MOGAT2: variants seen among roughly 807,000 people sequenced by gnomAD.
MOGAT2 encodes 2-acylglycerol O-acyltransferase 2.
MOGAT2 carries 27 observed loss-of-function variants against 31.5 expected under a neutral mutation model. The ratio of observed to expected loss-of-function variants is 0.86; its 90% CI spans 0.63 to 1.18. The LOEUF is 1.18. MOGAT2 is among the 50% of genes most tolerant of loss of function. The probability of loss-of-function intolerance (pLI) is 0.00; values close to 1 mark genes in which losing one functional copy is unlikely to be tolerated. For synonymous variants in MOGAT2, 163 were observed against 170.0 expected, an observed-to-expected ratio of 0.96 and a Z score of 0.32; for missense variants, 436 against 433.2, an observed-to-expected ratio of 1.01 and a Z score of -0.06.
At chr11:75,722,379 C>T (rs1944383485) in intron 2 of MOGAT2, among the ~76,000 whole-genome samples, 1 of 152,196 alleles carries the variant, frequency 6.6e-6, no homozygotes, top group South Asian at 2.1e-4. Context: ...TGTGTGACAT[C>T]AGGGACCAAG....
rs139594944 is a variant in MOGAT2, at chr11:75,731,256, C to G, written c.975C>G (p.Ile325Met). The change falls in exon 6 of 6, where the codon ATC becomes ATG. Residue 325 changes from isoleucine (I) to methionine (M), a missense_variant. Transcript: ENST00000198801. ...AGGCCCACAAACTTAAGTTCAACAT[C>G]CCTGCTGACCAGCACTTGGAGTTCT... is the stretch of plus-strand genomic sequence containing the variant. ...LFEAHKLKFNIPADQHLEFC is the reference protein window; with the variant it reads ...LFEAHKLKFNMPADQHLEFC 2.5e-6 allele frequency: 4 copies of G among 1,614,162 alleles called. No homozygotes were observed. The Admixed American group carries it at 6.7e-5, about 27-fold the overall frequency.
intron 2 of MOGAT2, among the ~76,000 whole-genome samples, chr11:75,725,372 C>T (rs1403219407): frequency 1.3e-5 from 2 of 151,998 alleles, no homozygotes; most frequent in Admixed American, 1.3e-4. Flanking sequence ...TGGTGAAACA[C>T]CCTGTCTCTA....
chr11:75,730,921 AAAAAAAAAG>A, intron 5 of MOGAT2: 4 of 308,954 alleles, frequency 1.3e-5, no homozygotes, highest in Middle Eastern at 9.4e-4. Context: ...CCTCAAAAAA[AAAAAAAAAG>A]AAAAGAAAAG....
chr11:75,724,509 C>T (rs1238556), intron 2 of MOGAT2, among the ~76,000 whole-genome samples: 30,747 of 151,818 alleles, frequency 0.2, 3,228 homozygotes, highest in Middle Eastern at 0.24. Flanking sequence ...TTTATGTGCA[C>T]GTATCCAAGT....
intron 3 of MOGAT2, 91 bp from the exon 4 acceptor site, chr11:75,727,879 G>A (rs12284314): frequency 1.5e-6 from 2 of 1,340,144 alleles, no homozygotes; most frequent in East Asian, 4.7e-5. Context: ...GGCCTCAGTA[G>A]GCATTGCTGG....
Position 75,728,438 on chromosome 11 carries a change from G to A in MOGAT2, c.650+294G>A, listed in dbSNP as rs1040651256. ...GATATTTGGGGTACATTTCAGAGCT[G>A]TTCTCCCTCCTTGGGGTGAAGCATC... is the stretch of plus-strand genomic sequence containing the variant. On this transcript the variant is annotated intron_variant, in intron 4 of 5. Coordinates refer to ENST00000198801, the MANE Select transcript of MOGAT2 (RefSeq NM_025098.4). 33 of 563,934 alleles carry A rather than the reference G, an allele frequency of 5.9e-5. No individual in the cohort carries two copies. In the South Asian group the frequency reaches 6.4e-4, roughly 11 times the overall value. The allele number at this position is 563,934 out of a possible 1,614,324, so 34.9% of individuals were successfully genotyped here.
At chr11:75,728,608 C>T (rs1944443699) in intron 4 of MOGAT2, 182 bp from the exon 5 acceptor site, 11 of 616,818 alleles carry the variant, frequency 1.8e-5, no homozygotes, top group Non-Finnish European at 3.1e-5. Flanking sequence ...AGGGACCTGC[C>T]CAAGGTCAGA....
intron 2 of MOGAT2, among the ~76,000 whole-genome samples, chr11:75,725,617 G>A (rs1944415970): frequency 6.6e-6 from 1 of 152,174 alleles, no homozygotes; most frequent in Admixed American, 6.5e-5. Context: ...ACAGGAGAAT[G>A]TGGAACTGTT....
Position 75,731,254 on chromosome 11 carries a change from A to C in MOGAT2, c.973A>C (p.Ile325Leu), listed in dbSNP as rs373203471. 2.0e-5 allele frequency: 32 copies of C among 1,614,050 alleles called. No homozygotes were observed. Among genetic ancestry groups the C allele is most frequent in the Non-Finnish European group, 2.7e-5 (32 of 1,180,046 alleles). ...CGAGGCCCACAAACTTAAGTTCAAC[A>C]TCCCTGCTGACCAGCACTTGGAGTT... ...LFEAHKLKFN[I>L]PADQHLEFC is the part of the protein sequence containing the mutation. Residue 325 changes from isoleucine to leucine, a missense_variant, in exon 6 of 6, where the codon ATC (isoleucine) becomes CTC (leucine). Coordinates refer to ENST00000198801, the MANE Select transcript of MOGAT2 (RefSeq NM_025098.4).
chr11:75,728,708 C>G lies in MOGAT2; in HGVS notation c.651-82C>G, dbSNP rs924370542. 3.3e-6 allele frequency: 4 copies of G among 1,222,732 alleles called. 1 individual carries two copies. The South Asian group carries it at 4.9e-5, about 15-fold the overall frequency. 75.7% of individuals were successfully genotyped at this position (1,222,732 alleles called of 1,614,324 possible). ...CTGCTCCATTTCTTGGTCACTGAGT[C>G]CCTGCAGGAAGCTAAAGGGCCTTTC... On this transcript the variant is annotated intron_variant, in intron 4 of 5. Coordinates refer to ENST00000198801, the MANE Select transcript of MOGAT2 (RefSeq NM_025098.4).
chr11:75,730,381 G>A (rs1031751601), intron 5 of MOGAT2, among the ~76,000 whole-genome samples: 10 of 152,184 alleles, frequency 6.6e-5, no homozygotes, highest in East Asian at 3.9e-4. Context: ...AAATATAGCC[G>A]CTTCCATTCA....
At position 75,721,201 on chromosome 11, in the gene MOGAT2, C is replaced by T. The variant is rs192395629; in HGVS notation, c.270+1031C>T. Among the ~76,000 whole-genome samples, 545 of 152,282 alleles carry T rather than the reference C, an allele frequency of 3.6e-3. 1 individual carries two copies. Among genetic ancestry groups the T allele is most frequent in the African/African-American group, 0.013 (530 of 41,550 alleles). The stretch of plus-strand genomic sequence containing the variant: ...GTTGGTCTCTCTGAGCCTCAGTTTC[C>T]TCATATGTAAAATGGGGATAATGAC... On this transcript the variant is annotated intron_variant, in intron 2 of 5. Coordinates refer to ENST00000198801, the MANE Select transcript of MOGAT2 (RefSeq NM_025098.4).
chr11:75,720,477 TCAG>T (rs1944368438), intron 2 of MOGAT2, among the ~76,000 whole-genome samples: 1 of 152,146 alleles, frequency 6.6e-6, no homozygotes, highest in African/African-American at 2.4e-5. Context: ...CACAAACCCA[TCAG>T]CAGCCCAGGC....
intron 2 of MOGAT2, among the ~76,000 whole-genome samples, chr11:75,724,560 G>T (rs1487133518): frequency 2.0e-5 from 3 of 152,208 alleles, no homozygotes; most frequent in Middle Eastern, 3.4e-3. Flanking sequence ...TACTCGGGAG[G>T]CTAAGGCAGG....
chr11:75,722,964 GT>G (rs1466327339), intron 2 of MOGAT2, among the ~76,000 whole-genome samples: 1 of 152,088 alleles, frequency 6.6e-6, no homozygotes. Context: ...TTTTGGTTTT[GT>G]TTTTGTTTTT....
intron 5 of MOGAT2, among the ~76,000 whole-genome samples, chr11:75,730,518 A>G (rs1251947897): frequency 6.6e-6 from 1 of 152,208 alleles, no homozygotes; most frequent in Non-Finnish European, 1.5e-5. Flanking sequence ...TCTGAGCCTC[A>G]TTGACTCATC....
intron 4 of MOGAT2, 50 bp from the exon 5 acceptor site, chr11:75,728,740 T>A (rs1253767361): frequency 1.3e-6 from 2 of 1,532,922 alleles, no homozygotes; most frequent in African/African-American, 1.4e-5. Context: ...TTTCAGCTCG[T>A]GCCTTCTCTG....
intron 5 of MOGAT2, 114 bp from the exon 6 acceptor site, chr11:75,731,018 G>A: frequency 1.3e-6 from 1 of 785,666 alleles, no homozygotes; most frequent in Non-Finnish European, 2.0e-6. Flanking sequence ...ATTCATTAGG[G>A]TTGGAAGGAA....
chr11:75,720,071 G>A lies in MOGAT2; in HGVS notation c.171G>A (p.Trp57Ter), dbSNP rs1167011481. ...TCACTGTCCTGTATGCGGCCTGGTGGTATCTGGACCGAGACAAGCCACGGC... is the reference window on the plus strand; with the variant it reads ...TCACTGTCCTGTATGCGGCCTGGTGATATCTGGACCGAGACAAGCCACGGC... ...WLLTVLYAAW[W>*]YLDRDKPRQG... is the part of the protein sequence containing the mutation. Residue 57 changes from tryptophan to a stop codon, truncating the protein, a stop_gained, in exon 2 of 6, where the codon TGG becomes TGA. Coordinates refer to ENST00000198801, the MANE Select transcript of MOGAT2 (RefSeq NM_025098.4). LOFTEE classifies it high-confidence loss of function. The A allele has an allele frequency of 1.2e-6, 2 of 1,614,172 alleles. No individual in the cohort carries two copies. Among genetic ancestry groups the A allele is most frequent in the Non-Finnish European group, 1.7e-6 (2 of 1,180,046 alleles).
Sources: allele counts gnomAD v4.1 joint callset (sites outside exome capture counted in the v4.1 genomes callset), GRCh38; gene constraint gnomAD v4.1.1; transcripts MANE v1.5; gene names NCBI Gene and HGNC (gene_info 2026-07-23, HGNC 2026-07-21).